The following LPIN1 variants were observed in gnomAD, a reference collection of about 807,000 sequenced individuals.
The protein encoded by LPIN1 is phosphatidate phosphatase LPIN1.
LPIN1 carries 71 observed loss-of-function variants against 107.5 expected under a neutral mutation model. The ratio of observed to expected loss-of-function variants is 0.66; its 90% CI spans 0.55 to 0.80. LPIN1 has a LOEUF of 0.80. Among genes scored for constraint, LPIN1 ranks in the 30% least tolerant of loss-of-function variants. LPIN1 has a pLI of 0.00. For missense variants in LPIN1, 1,043 were observed against 1,160.6 expected (o/e 0.90, Z 1.47); for synonymous variants, 445 against 452.6 (o/e 0.98, Z 0.21).
At chr2:11,802,007 C>T (rs559121877) in intron 14 of LPIN1, among the ~76,000 whole-genome samples, 1 of 152,210 alleles carries the variant, frequency 6.6e-6, no homozygotes, top group Non-Finnish European at 1.5e-5. Context: ...GGTGCTGAGC[C>T]AGAGGCTTTG....
At chr2:11,744,894 T>C (rs1666738418), upstream of LPIN1, among the ~76,000 whole-genome samples, 1 of 152,166 alleles carries the variant, frequency 6.6e-6, no homozygotes, top group African/African-American at 2.4e-5. Flanking sequence ...TCTCTTTGTG[T>C]AGCTCCCACG....
intron 1 of LPIN1, among the ~76,000 whole-genome samples, chr2:11,755,169 A>G (rs918001965): frequency 1.3e-5 from 2 of 151,654 alleles, no homozygotes; most frequent in Non-Finnish European, 2.9e-5. Context: ...GGGTTTCACC[A>G]TGTTAGCCAG....
At chr2:11,787,392 CT>C (rs1219054361) in intron 11 of LPIN1, among the ~76,000 whole-genome samples, 26 of 113,686 alleles carry the variant, frequency 2.3e-4, no homozygotes, top group Admixed American at 3.6e-4. Flanking sequence ...CTTTTCTTTT[CT>C]TTTTCTTTTT....
chr2:11,693,376 A>G (rs1312582420), intron 1 of LPIN1, among the ~76,000 whole-genome samples: 1 of 152,058 alleles, frequency 6.6e-6, no homozygotes, highest in Non-Finnish European at 1.5e-5. Flanking sequence ...ACTCTGCTGA[A>G]AGATCTGGTC....
chr2:11,725,558 C>T (rs993281400), intron 1 of LPIN1, among the ~76,000 whole-genome samples: 21 of 152,316 alleles, frequency 1.4e-4, no homozygotes, highest in African/African-American at 5.1e-4. Context: ...CTTTCCCTTT[C>T]CATGGGAAAG....
chr2:11,784,164 C>T (rs898021951), intron 9 of LPIN1: 16 of 765,416 alleles, frequency 2.1e-5, no homozygotes, highest in African/African-American at 5.4e-5. Context: ...ATTGGCTGCA[C>T]GTGCTGGCAT....
At chr2:11,799,831 T>A (rs1220951728) in intron 14 of LPIN1, among the ~76,000 whole-genome samples, 1 of 152,136 alleles carries the variant, frequency 6.6e-6, no homozygotes, top group Non-Finnish European at 1.5e-5. Flanking sequence ...AGAAATGATT[T>A]CTCCAAGGTA....
chr2:11,708,932 AT>A (rs1663266826), intron 1 of LPIN1, among the ~76,000 whole-genome samples: 1 of 152,122 alleles, frequency 6.6e-6, no homozygotes, highest in Non-Finnish European at 1.5e-5. Flanking sequence ...AGCTACTACT[AT>A]TATTATTGTT....
intron 1 of LPIN1, among the ~76,000 whole-genome samples, chr2:11,683,690 C>G (rs758365679): frequency 1.3e-5 from 2 of 152,184 alleles, no homozygotes; most frequent in African/African-American, 4.8e-5. Flanking sequence ...CTGTGGTCGT[C>G]GAGGTAAGCA....
chr2:11,698,232 G>A (rs570268069), intron 1 of LPIN1, among the ~76,000 whole-genome samples: 8 of 152,340 alleles, frequency 5.3e-5, no homozygotes, highest in Admixed American at 2.6e-4. Context: ...CAGATGAGCC[G>A]CACGTGGCCC....
At position 11,770,673 on chromosome 2, in the gene LPIN1, A is replaced by G. The variant is rs150542806; in HGVS notation, c.289-699A>G. Among the ~76,000 whole-genome samples the G allele has an allele frequency of 4.9e-3, 745 of 152,326 alleles. 11 individuals carry two copies. Among genetic ancestry groups the G allele is most frequent in the African/African-American group, 0.017 (719 of 41,580 alleles). On this transcript the variant is annotated intron_variant, in intron 3 of 20. Coordinates refer to ENST00000674199, the MANE Select transcript of LPIN1 (RefSeq NM_001349206.2). Reference sequence around the variant, plus strand: ...TATTCTTATTGTCAACGAGTTTCTCATACAAAATGAGGCATTCATTAATAA... The same window carrying G: ...TATTCTTATTGTCAACGAGTTTCTCGTACAAAATGAGGCATTCATTAATAA...
intron 1 of LPIN1, among the ~76,000 whole-genome samples, chr2:11,752,848 G>A (rs1256993184): frequency 1.3e-5 from 2 of 152,108 alleles, no homozygotes; most frequent in Admixed American, 6.5e-5. Context: ...AGAAAGCAGC[G>A]TTTCTTGGCA....
chr2:11,799,641 T>G (rs772714942), intron 14 of LPIN1, among the ~76,000 whole-genome samples: 7 of 152,036 alleles, frequency 4.6e-5, no homozygotes, highest in Non-Finnish European at 7.4e-5. Flanking sequence ...ATTTTACAGA[T>G]GAGCCCACTG....
Position 11,815,150 on chromosome 2 carries a change from G to C in LPIN1, c.2312G>C (p.Gly771Ala), listed in dbSNP as rs760083583. 1 of 1,614,188 alleles carries C rather than the reference G, an allele frequency of 6.2e-7. No individual in the cohort carries two copies. Among genetic ancestry groups the C allele is most frequent in the Non-Finnish European group, 8.5e-7 (1 of 1,180,032 alleles). Residue 771 changes from glycine to alanine, a missense_variant, in exon 18 of 21, where the codon GGC (glycine) becomes GCC (alanine). By Grantham distance (60) the Gly-to-Ala change is moderately conservative. Transcript: ENST00000674199. ...RAIGMADMTR[G>A]YLHWVNERGT... ...ATCGGGATGGCGGACATGACGCGGG[G>C]CTACCTGCACTGGGTCAACGAGAGG...
At chr2:11,782,040 TC>T (rs1294350436) in intron 7 of LPIN1, among the ~76,000 whole-genome samples, 160 bp from the exon 8 acceptor site, 1 of 152,250 alleles carries the variant, frequency 6.6e-6, no homozygotes, top group African/African-American at 2.4e-5. Context: ...ATTCTTGGTT[TC>T]TGGACTTTTT....
intron 1 of LPIN1, among the ~76,000 whole-genome samples, chr2:11,699,263 G>A (rs1662742854): frequency 6.6e-6 from 1 of 152,132 alleles, no homozygotes; most frequent in Admixed American, 6.5e-5. Flanking sequence ...CAAAATGTTT[G>A]TACTTGTTAA....
chr2:11,731,287 C>G (rs1363163869), intron 1 of LPIN1, among the ~76,000 whole-genome samples: 1 of 151,518 alleles, frequency 6.6e-6, no homozygotes, highest in African/African-American at 2.4e-5. Flanking sequence ...TCCATGTGTT[C>G]TCATTGTTCA....
intron 14 of LPIN1, among the ~76,000 whole-genome samples, chr2:11,802,065 C>T (rs1677846246): frequency 6.6e-6 from 1 of 152,104 alleles, no homozygotes; most frequent in Admixed American, 6.6e-5. Flanking sequence ...CTTTGGGGGC[C>T]ACTCAGCCTT....
intron 1 of LPIN1, chr2:11,681,493 G>A: frequency 6.3e-6 from 1 of 157,990 alleles, no homozygotes; most frequent in East Asian, 1.9e-4. Flanking sequence ...TGCCGTCATT[G>A]TAAGTTTCCC....
Sources: gnomAD v4.1 joint callset for allele counts (sites outside exome capture counted in the v4.1 genomes callset) on GRCh38, gnomAD v4.1.1 for gene constraint, MANE v1.5 for transcripts, NCBI Gene and HGNC (gene_info 2026-07-23, HGNC 2026-07-21) for gene names.